The following SYNE2 variants were observed in gnomAD, a reference collection of about 807,000 sequenced individuals.
SYNE2 encodes nesprin-2.
SYNE2 carries 431 observed loss-of-function variants against 856.3 expected under a neutral mutation model. The ratio of observed to expected loss-of-function variants is 0.50; its 90% confidence interval spans 0.47 to 0.55. The LOEUF is 0.55. Ranked by LOEUF, SYNE2 falls within the 20% of genes least tolerant of loss-of-function variation. The pLI is 0.00. For missense variants in SYNE2, 8,129 were observed against 8,023.2 expected, an observed-to-expected ratio of 1.01 and a Z score of -0.50; for synonymous variants, 2,923 against 2,872.3, an observed-to-expected ratio of 1.02 and a Z score of -0.56.
rs748274786 is a variant in SYNE2 at position 64,168,898 on chromosome 14, A to G, written c.16927A>G (p.Ile5643Val). Residue 5643 changes from isoleucine (I) to valine (V), a missense_variant, in exon 93 of 116, where the codon ATA (isoleucine) becomes GTA (valine). Around this residue, in one of 3 missense-constraint regions of SYNE2, gnomAD observed 5,410 missense variants for 5,284.8 expected, o/e 1.02. Coordinates refer to ENST00000555002, the MANE Select transcript of SYNE2 (RefSeq NM_182914.3). Reference protein sequence around the residue: ...TYKMLEAEVSINQTIADSYVT... With the variant: ...TYKMLEAEVSVNQTIADSYVT... ...ACAGATGTTAGAAGCTGAAGTTTCT[A>G]TAAACCAGACAATTGCTGATTCCTA... 3 of 1,613,934 alleles carry G rather than the reference A, an allele frequency of 1.9e-6. No individual in the cohort carries two copies. The highest frequency in any genetic ancestry group is 1.1e-5 in the South Asian group (1 of 91,084).
rs568359398 is a variant in SYNE2 at position 64,165,553 on chromosome 14, C to G, written c.16605+143C>G. The G allele has an allele frequency of 9.6e-6, 9 of 939,966 alleles. No homozygotes were observed. In the East Asian group the frequency reaches 2.4e-4, roughly 25 times the overall value. The allele number at this position is 939,966 out of a possible 1,614,324, so 58.2% of individuals were successfully genotyped here. A position where few individuals can be genotyped will look rare whatever the true frequency, so the allele number is the denominator to read the frequency against. Reference sequence around the variant, plus strand: ...TTTGAGACGGACTCTCGCTCTGTCACCCAGGCTGGAGTGCAGTGGCACGAT... The same window carrying G: ...TTTGAGACGGACTCTCGCTCTGTCAGCCAGGCTGGAGTGCAGTGGCACGAT... On this transcript the variant is annotated intron_variant, in intron 90 of 115. Transcript: ENST00000555002.
At chr14:64,160,439 TC>T (rs937678962) in intron 87 of SYNE2, among the ~76,000 whole-genome samples, 1 of 152,200 alleles carries the variant, frequency 6.6e-6, no homozygotes, top group Non-Finnish European at 1.5e-5. Flanking sequence ...TTTTTTAACT[TC>T]CTCATGGATT....
At position 63,817,511 on chromosome 14, in the gene SYNE2, C is replaced by T. The variant is rs555596011; in HGVS notation, c.-304-34990C>T. Among the ~76,000 whole-genome samples the T allele has an allele frequency of 1.4e-4, 21 of 151,946 alleles. 1 individual carries two copies. Among genetic ancestry groups the T allele is most frequent in the African/African-American group, 3.4e-4 (14 of 41,428 alleles). On this transcript the variant is annotated intron_variant, in intron 1 of 23. Transcript: ENST00000674003. The stretch of plus-strand genomic sequence containing the variant: ...AAACAAACAAACAAACAAAAAAAGA[C>T]GTAGGTCATCATTCTCCACCCACTT...
chr14:63,811,591 G>A (rs1470905479), intron 1 of SYNE2, among the ~76,000 whole-genome samples: 1 of 152,154 alleles, frequency 6.6e-6, no homozygotes, highest in East Asian at 1.9e-4. Flanking sequence ...TTTCAGATAT[G>A]ACCAGTTTTA....
chr14:64,005,559 C>T (rs1280503662), intron 30 of SYNE2, among the ~76,000 whole-genome samples: 1 of 152,060 alleles, frequency 6.6e-6, no homozygotes, highest in Non-Finnish European at 1.5e-5. Flanking sequence ...AACCGAGTTA[C>T]CATTAACTGA....
intron 45 of SYNE2, among the ~76,000 whole-genome samples, chr14:64,045,746 C>T (rs1160647501): frequency 1.3e-5 from 2 of 152,196 alleles, no homozygotes; most frequent in African/African-American, 4.8e-5. Context: ...CAATTAAGTA[C>T]TTCAAAACCA....
chr14:63,991,064 G>A lies in SYNE2; in HGVS notation c.2595G>A (p.Gln865=). The change falls in exon 21 of 116, where the codon CAG becomes CAA. Residue 865 remains glutamine (Q), a synonymous_variant. Transcript: ENST00000555002. ...TTGAATCATATATGATGAGGGCTCA[G>A]CAGTTACTGGGGCAAAGAGAGAGCC... is the stretch of plus-strand genomic sequence containing the variant. ...KELESYMMRA[Q]QLLGQRESPG... is the part of the protein sequence containing the mutation. The A allele has an allele frequency of 6.2e-7, 1 of 1,614,144 alleles. No homozygotes were observed. The highest frequency in any genetic ancestry group is 1.7e-5 in the Admixed American group (1 of 60,020).
Position 64,225,826 on chromosome 14 carries a change from G to C in SYNE2, c.*300G>C, listed in dbSNP as rs79269713. On this transcript the variant is annotated 3_prime_UTR_variant, in exon 116 of 116. Coordinates refer to ENST00000555002, the MANE Select transcript of SYNE2 (RefSeq NM_182914.3). ...AAGAGCCAAGCACTTTGTGAATTCT[G>C]GTTTGTTTGTAAAACAGCATTATTA... 3 of 587,716 alleles carry C rather than the reference G, an allele frequency of 5.1e-6. No individual in the cohort carries two copies. Among genetic ancestry groups the C allele is most frequent in the African/African-American group, 1.9e-5 (1 of 53,676 alleles). The allele number at this position is 587,716 out of a possible 1,614,324, so 36.4% of individuals were successfully genotyped here.
intron 1 of SYNE2, among the ~76,000 whole-genome samples, chr14:63,815,843 C>A (rs553132714): frequency 6.6e-6 from 1 of 152,220 alleles, no homozygotes; most frequent in Admixed American, 6.5e-5. Context: ...ATCTATAAAT[C>A]TCCACTGTCT....
intron 32 of SYNE2, among the ~76,000 whole-genome samples, chr14:64,010,457 G>A (rs2096835239): frequency 6.6e-6 from 1 of 150,424 alleles, no homozygotes. Context: ...ACAGAAGGAA[G>A]ACGGTGGGAA....
intron 98 of SYNE2, 179 bp downstream of exon 98, chr14:64,188,887 G>A: frequency 1.4e-6 from 1 of 729,116 alleles, no homozygotes; most frequent in South Asian, 1.5e-5. Flanking sequence ...GGAGGTTCCA[G>A]AGAGATGGGA....
chr14:64,084,822 C>G (rs2097547926), intron 57 of SYNE2: 2 of 609,916 alleles, frequency 3.3e-6, no homozygotes, highest in African/African-American at 1.8e-5. Flanking sequence ...GGCTCAAGGT[C>G]TCTCATGAGA....
chr14:64,177,256 A>C lies in SYNE2; in HGVS notation c.17431-102A>C, dbSNP rs939981844. ...GGTGTCTGTGTGATTTATTAAAAAC[A>C]AACTTAATAGAAAGATTATGTGGAT... On this transcript the variant is annotated intron_variant, in intron 95 of 115. Transcript: ENST00000555002. 5.4e-6 allele frequency: 8 copies of C among 1,477,268 alleles called. No homozygotes were observed. The Admixed American group carries it at 1.2e-4, about 23-fold the overall frequency. The allele number at this position is 1,477,268 out of a possible 1,614,324, so 91.5% of individuals were successfully genotyped here.
intron 1 of SYNE2, among the ~76,000 whole-genome samples, chr14:63,823,598 G>T (rs1889309796): frequency 6.7e-6 from 1 of 150,130 alleles, no homozygotes; most frequent in Non-Finnish European, 1.5e-5. Context: ...ATCAAGACCA[G>T]ACAAAAACAC....
chr14:63,792,773 G>A (rs949465892), intron 1 of SYNE2, among the ~76,000 whole-genome samples: 13 of 151,846 alleles, frequency 8.6e-5, no homozygotes, highest in East Asian at 3.9e-4. Flanking sequence ...TCAAGTGATC[G>A]TGATCACCTG....
chr14:63,883,737 C>T (rs751537500), intron 1 of SYNE2, among the ~76,000 whole-genome samples: 2 of 152,210 alleles, frequency 1.3e-5, no homozygotes, highest in Non-Finnish European at 2.9e-5. Flanking sequence ...GATAAGTTCC[C>T]TCCTCTACAG....
In SYNE2 at chr14:64,225,303, C is replaced by T; in HGVS notation, c.20517-16C>T. On this transcript the variant is annotated splice_polypyrimidine_tract_variant and intron_variant, in intron 115 of 115. Transcript: ENST00000555002. ...GTGGAGCCTCCCAATCAGCTCTCAACCTCCTCTGTTGGCAGGGTCCCCGGC... is the reference window on the plus strand; with the variant it reads ...GTGGAGCCTCCCAATCAGCTCTCAATCTCCTCTGTTGGCAGGGTCCCCGGC... 1.2e-6 allele frequency: 2 copies of T among 1,614,134 alleles called. No individual in the cohort carries two copies. The highest frequency in any genetic ancestry group is 2.2e-5 in the South Asian group (2 of 91,080).
chr14:63,935,981 T>C (rs753304977), intron 2 of SYNE2, among the ~76,000 whole-genome samples: 1 of 152,210 alleles, frequency 6.6e-6, no homozygotes, highest in African/African-American at 2.4e-5. Context: ...TTCAAGCGAT[T>C]CTCCTGCTTC....
intron 2 of SYNE2, among the ~76,000 whole-genome samples, chr14:63,931,089 G>A (rs1337267447): frequency 1.3e-5 from 2 of 152,078 alleles, no homozygotes; most frequent in Non-Finnish European, 2.9e-5. Context: ...ACACCCACTT[G>A]GTATCTGGAG....
Sources: allele counts gnomAD v4.1 joint callset (sites outside exome capture counted in the v4.1 genomes callset), GRCh38; gene constraint gnomAD v4.1.1; regional missense constraint gnomAD v4.1.1; transcripts MANE v1.5; gene names NCBI Gene and HGNC (gene_info 2026-07-23, HGNC 2026-07-21).